LUC7L3: variants seen among roughly 807,000 people sequenced by gnomAD.
The protein encoded by LUC7L3 is LUC7 like 3 pre-mRNA splicing factor.
Under a neutral mutation model 66.8 loss-of-function variants are expected in LUC7L3, and 6 were observed. The observed-to-expected ratio is 0.09, with a 90% confidence interval of 0.05 to 0.18. LUC7L3 has a LOEUF of 0.18. Ranked by LOEUF, LUC7L3 falls within the 10% of genes least tolerant of loss-of-function variation. LUC7L3 has a pLI of 1.00. For missense variants in LUC7L3, 341 were observed against 531.1 expected (o/e 0.64, Z 3.52); for synonymous variants, 160 against 174.7 (o/e 0.92, Z 0.66).
At position 50,751,697 on chromosome 17, in the gene LUC7L3, G is replaced by T; in HGVS notation, c.*1036G>T. 1 of 1,059,140 alleles carries T rather than the reference G, an allele frequency of 9.4e-7. No homozygotes were observed. Among genetic ancestry groups the T allele is most frequent in the Non-Finnish European group, 1.1e-6 (1 of 872,412 alleles). The allele number at this position is 1,059,140 out of a possible 1,614,324, so 65.6% of individuals were successfully genotyped here. On this transcript the variant is annotated 3_prime_UTR_variant, in exon 10 of 10. Coordinates refer to ENST00000505658, the MANE Select transcript of LUC7L3 (RefSeq NM_016424.5). ...TATTTCCTACTGTGTAGGAGAATTT[G>T]CAGTCAGCCATAGGTATGTAGGAAT...
At chr17:50,725,467 C>T (rs551664551) in intron 1 of LUC7L3, among the ~76,000 whole-genome samples, 17 of 152,152 alleles carry the variant, frequency 1.1e-4, no homozygotes, top group African/African-American at 3.4e-4. Flanking sequence ...AGTACAGATA[C>T]AGCACTTGGT....
In LUC7L3 at chr17:50,746,692, C is replaced by T; in HGVS notation, c.1128C>T (p.Ser376=). 6.2e-7 allele frequency: 1 copy of T among 1,612,728 alleles called. No individual in the cohort carries two copies. The highest frequency in any genetic ancestry group is 8.5e-7 in the Non-Finnish European group (1 of 1,179,562). The change falls in exon 9 of 10, where the codon TCC becomes TCT. Residue 376 remains serine (S), a synonymous_variant. Transcript: ENST00000505658. ...KSRDREQDRK[S]KEKEKRGSDD... ...GGGACAGAGAACAAGATAGAAAATC[C>T]AAGGAGAAAGGTTAGTTTATATGAG...
At chr17:50,743,306 C>A (rs558449631) in intron 5 of LUC7L3, among the ~76,000 whole-genome samples, 28 of 152,118 alleles carry the variant, frequency 1.8e-4, no homozygotes, top group Admixed American at 9.2e-4. Context: ...TCAAGCAATT[C>A]TTCTGCCTCA....
At chr17:50,731,295 A>G (rs1481750689) in intron 1 of LUC7L3, among the ~76,000 whole-genome samples, 2 of 152,082 alleles carry the variant, frequency 1.3e-5, no homozygotes, top group African/African-American at 2.4e-5. Context: ...CAGCCTCCCA[A>G]GTAGCTGGGA....
intron 1 of LUC7L3, chr17:50,736,638 A>G (rs1452662886): frequency 3.6e-6 from 1 of 274,670 alleles, no homozygotes; most frequent in African/African-American, 2.3e-5. Context: ...AGAATAGCGT[A>G]AGAGTTTTTA....
intron 9 of LUC7L3, 61 bp downstream of exon 9, chr17:50,746,763 A>G: frequency 1.4e-6 from 2 of 1,457,268 alleles, no homozygotes; most frequent in Non-Finnish European, 1.9e-6. Context: ...CGCCCCACTC[A>G]CTTTTCTCCA....
Position 50,719,626 on chromosome 17 carries a change from G to A in LUC7L3, c.-107G>A. 1 of 901,022 alleles carries A rather than the reference G, an allele frequency of 1.1e-6. No homozygotes were observed. Among genetic ancestry groups the A allele is most frequent in the South Asian group, 1.5e-5 (1 of 65,996 alleles). The allele number at this position is 901,022 out of a possible 1,614,324, so 55.8% of individuals were successfully genotyped here. A position where few individuals can be genotyped will look rare whatever the true frequency, so the allele number is the denominator to read the frequency against. On this transcript the variant is annotated 5_prime_UTR_variant, in exon 1 of 10. Coordinates refer to ENST00000505658, the MANE Select transcript of LUC7L3 (RefSeq NM_016424.5). ...TTGTCTTGTCGGCTCCTGTGTGTAG[G>A]AGGGATTTCGGCCTGAGAGCGGGCC...
chr17:50,721,367 C>T (rs989121355), intron 1 of LUC7L3, among the ~76,000 whole-genome samples: 3 of 152,164 alleles, frequency 2.0e-5, no homozygotes, highest in African/African-American at 7.2e-5. Flanking sequence ...TTTGTTGCCA[C>T]ATTGCATTGT....
rs187528489 is a variant in LUC7L3, at chr17:50,720,127, A to G, written c.99+296A>G. On this transcript the variant is annotated intron_variant, in intron 1 of 9. Transcript: ENST00000505658. ...AGGATAGCAGCGTCTTATTAAATCT[A>G]GCGGCTCCGAGGTTTCACCTCATTA... is the stretch of plus-strand genomic sequence containing the variant. 1.8e-3 allele frequency among the ~76,000 whole-genome samples: 280 copies of G among 152,352 alleles called. 1 individual carries two copies. Among genetic ancestry groups the G allele is most frequent in the Non-Finnish European group, 8.1e-4 (55 of 68,032 alleles).
intron 1 of LUC7L3, among the ~76,000 whole-genome samples, chr17:50,727,553 G>A (rs1371471359): frequency 2.6e-5 from 4 of 152,142 alleles, no homozygotes; most frequent in Non-Finnish European, 4.4e-5. Context: ...GCTGTATAGT[G>A]TACACAGGAA....
intron 1 of LUC7L3, among the ~76,000 whole-genome samples, chr17:50,727,033 G>A (rs1002056165): frequency 6.6e-6 from 1 of 152,040 alleles, no homozygotes; most frequent in Non-Finnish European, 1.5e-5. Flanking sequence ...AGGTTGCAGT[G>A]AGCCGAGATC....
intron 1 of LUC7L3, among the ~76,000 whole-genome samples, chr17:50,725,695 T>G (rs1027217026): frequency 7.9e-5 from 12 of 152,186 alleles, no homozygotes; most frequent in African/African-American, 2.9e-4. Flanking sequence ...TTTTGGAGAT[T>G]TGCAACAATT....
chr17:50,738,692 G>A (rs553923015), intron 2 of LUC7L3, among the ~76,000 whole-genome samples: 1 of 152,084 alleles, frequency 6.6e-6, no homozygotes, highest in Non-Finnish European at 1.5e-5. Flanking sequence ...TACGACAGAA[G>A]GATTTTTAAA....
intron 6 of LUC7L3, among the ~76,000 whole-genome samples, chr17:50,744,349 G>A (rs1208994081): frequency 6.6e-6 from 1 of 152,218 alleles, no homozygotes; most frequent in East Asian, 1.9e-4. Flanking sequence ...CCTAAGCAAG[G>A]AATGTATTCA....
Position 50,750,684 on chromosome 17 carries a change from A to G in LUC7L3, c.*23A>G, listed in dbSNP as rs1336232752. ...TAAAACTGATCTGATAAGACCTCAGATCAGACAGAGGTAAGTGTATTGTTT... is the reference window on the plus strand; with the variant it reads ...TAAAACTGATCTGATAAGACCTCAGGTCAGACAGAGGTAAGTGTATTGTTT... On this transcript the variant is annotated 3_prime_UTR_variant, in exon 10 of 10. Coordinates refer to ENST00000505658, the MANE Select transcript of LUC7L3 (RefSeq NM_016424.5). The G allele has an allele frequency of 3.1e-6, 5 of 1,614,042 alleles. No homozygotes were observed.
intron 1 of LUC7L3, among the ~76,000 whole-genome samples, chr17:50,726,204 C>G (rs923648367): frequency 6.6e-6 from 1 of 152,174 alleles, no homozygotes; most frequent in African/African-American, 2.4e-5. Context: ...GACAGTCTTG[C>G]TCTGTCGCCC....
chr17:50,744,681 A>G lies in LUC7L3; in HGVS notation c.561A>G (p.Lys187=). The G allele has an allele frequency of 6.2e-7, 1 of 1,613,722 alleles. No individual in the cohort carries two copies. The highest frequency in any genetic ancestry group is 2.2e-5 in the East Asian group (1 of 44,876). The stretch of plus-strand genomic sequence containing the variant: ...TTGAAAGCTTTGCTGCACAAGAAAA[A>G]CAAATGGAAGTTTGTGAAGTATGTG... ...STIESFAAQE[K]QMEVCEVCGA... is the part of the protein sequence containing the mutation. Residue 187 remains lysine (K), a synonymous_variant, in exon 7 of 10, where the codon AAA becomes AAG. Transcript: ENST00000505658.
chr17:50,739,488 C>T (rs954788144), intron 2 of LUC7L3, among the ~76,000 whole-genome samples: 2 of 152,120 alleles, frequency 1.3e-5, no homozygotes, highest in African/African-American at 2.4e-5. Flanking sequence ...CCTGTCTCTA[C>T]TAAAAATACA....
chr17:50,738,107 A>G (rs549949122), intron 2 of LUC7L3: 178 of 454,276 alleles, frequency 3.9e-4, no homozygotes, highest in African/African-American at 3.2e-3. Context: ...CCCTGTTCCT[A>G]GAAGGATACA....
Sources: gnomAD v4.1 joint callset for allele counts (sites outside exome capture counted in the v4.1 genomes callset) on GRCh38, gnomAD v4.1.1 for gene constraint, MANE v1.5 for transcripts, NCBI Gene and HGNC (gene_info 2026-07-23, HGNC 2026-07-21) for gene names.